The following ALDH1A2 variants were observed in gnomAD, a reference collection of about 807,000 sequenced individuals.
ALDH1A2 encodes aldehyde dehydrogenase 1 family member A2, also known as retinal dehydrogenase 2.
In ALDH1A2, 27 loss-of-function variants were observed where a neutral mutation model predicts 60.3. The observed-to-expected ratio is 0.45, with a 90% CI of 0.33 to 0.62. The LOEUF is 0.62. Ranked by LOEUF, ALDH1A2 falls within the 20% of genes least tolerant of loss-of-function variation. The pLI, the probability that ALDH1A2 is intolerant of heterozygous loss-of-function variation, is 0.02. For synonymous variants in ALDH1A2, 289 were observed against 232.4 expected (o/e 1.24, Z -2.21); for missense variants, 581 against 643.8 (o/e 0.90, Z 1.06).
At chr15:57,955,317 T>A (rs536382082) in intron 12 of ALDH1A2, 48 bp from the exon 13 acceptor site, 11 of 1,590,592 alleles carry the variant, frequency 6.9e-6, no homozygotes, top group Non-Finnish European at 9.5e-6. Flanking sequence ...TCCAGGGAGC[T>A]GCATGTGAGT....
At chr15:58,049,188 T>C (rs1896711311) in intron 1 of ALDH1A2, among the ~76,000 whole-genome samples, 1 of 152,082 alleles carries the variant, frequency 6.6e-6, no homozygotes, top group Admixed American at 6.6e-5. Context: ...ATGTTAGGAA[T>C]ATACCAAATC....
intron 1 of ALDH1A2, among the ~76,000 whole-genome samples, chr15:58,057,189 A>C (rs1431828418): frequency 6.6e-6 from 1 of 152,146 alleles, no homozygotes; most frequent in African/African-American, 2.4e-5. Context: ...GCAGAAACTA[A>C]AAATTAGGAT....
intron 1 of ALDH1A2, among the ~76,000 whole-genome samples, chr15:58,060,081 C>T (rs1010877833): frequency 6.6e-6 from 1 of 152,056 alleles, no homozygotes; most frequent in Non-Finnish European, 1.5e-5. Flanking sequence ...TACCACCACA[C>T]AGCTAATTTC....
At chr15:58,041,888 G>C (rs571438335) in intron 1 of ALDH1A2, among the ~76,000 whole-genome samples, 2 of 151,894 alleles carry the variant, frequency 1.3e-5, no homozygotes, top group East Asian at 1.9e-4. Context: ...AACAGTAAGA[G>C]ATTAACAACT....
In ALDH1A2 at chr15:57,992,969, G is replaced by C. The variant is rs566704871; in HGVS notation, c.660C>G (p.Leu220=). Residue 220 remains leucine (L), a synonymous_variant, in exon 6 of 13, where the codon CTC becomes CTG. Coordinates refer to ENST00000249750, the MANE Select transcript of ALDH1A2 (RefSeq NM_003888.4). ...CCTCCTTGATGAGGGCTCCCATGTAGAGTGCACTGAGTGGTGTTTGCTCTG... is the reference window on the plus strand; with the variant it reads ...CCTCCTTGATGAGGGCTCCCATGTACAGTGCACTGAGTGGTGTTTGCTCTG... ...KPAEQTPLSA[L]YMGALIKEAG... 8 of 1,614,056 alleles carry C rather than the reference G, an allele frequency of 5.0e-6. No homozygotes were observed. Among genetic ancestry groups the C allele is most frequent in the African/African-American group, 1.3e-5 (1 of 75,038 alleles).
At chr15:58,032,911 A>G (rs1021496641) in intron 1 of ALDH1A2, among the ~76,000 whole-genome samples, 2 of 152,038 alleles carry the variant, frequency 1.3e-5, no homozygotes, top group African/African-American at 2.4e-5. Context: ...TACAAGTAAA[A>G]TAAGCCAGGC....
rs558516220 is a variant in ALDH1A2, at chr15:57,956,030, C to T, written c.1485-761G>A. The stretch of plus-strand genomic sequence containing the variant: ...TTCGTCCTCTCTGTTCACAGAGCCC[C>T]TTGTTCACACCTCAACCACCACACT... On this transcript the variant is annotated intron_variant, in intron 12 of 12. Transcript: ENST00000249750. 3.3e-5 allele frequency among the ~76,000 whole-genome samples: 5 copies of T among 152,346 alleles called. No individual in the cohort carries two copies. In the South Asian group the frequency reaches 1.0e-3, roughly 32 times the overall value.
At chr15:58,014,307 ATC>A (rs1351183906) in intron 1 of ALDH1A2, 26 bp from the exon 2 acceptor site, 8 of 1,573,944 alleles carry the variant, frequency 5.1e-6, no homozygotes, top group Non-Finnish European at 7.0e-6. Context: ...ACAGAATGGG[ATC>A]TGTGACACAG....
rs188500811 is a variant in ALDH1A2, at chr15:57,969,343, A to G, written c.799-3516T>C. Among the ~76,000 whole-genome samples the G allele has an allele frequency of 3.9e-5, 6 of 152,230 alleles. No individual in the cohort carries two copies. In the South Asian group the frequency reaches 1.2e-3, roughly 32 times the overall value. Reference sequence around the variant, plus strand: ...GAAAAAAAAATCTGGGTCTCATTTAATATTAGATCTGAACAGATTAAATTA... The same window carrying G: ...GAAAAAAAAATCTGGGTCTCATTTAGTATTAGATCTGAACAGATTAAATTA... On this transcript the variant is annotated intron_variant, in intron 7 of 12. Coordinates refer to ENST00000249750, the MANE Select transcript of ALDH1A2 (RefSeq NM_003888.4).
chr15:58,041,016 G>T (rs1896507551), intron 1 of ALDH1A2, among the ~76,000 whole-genome samples: 1 of 151,906 alleles, frequency 6.6e-6, no homozygotes, highest in Admixed American at 6.6e-5. Flanking sequence ...ACTAGTATGT[G>T]AAACAGGGTG....
At chr15:58,042,147 G>T (rs10518961) in intron 1 of ALDH1A2, among the ~76,000 whole-genome samples, 1 of 151,694 alleles carries the variant, frequency 6.6e-6, no homozygotes, top group Non-Finnish European at 1.5e-5. Flanking sequence ...ATGAACTTTT[G>T]TGAGTCAGGA....
chr15:57,988,881 G>GTGAC (rs35178987), intron 7 of ALDH1A2, among the ~76,000 whole-genome samples: 74,319 of 151,652 alleles, frequency 0.49, 18,525 homozygotes, highest in Non-Finnish European at 0.53. Context: ...ACCTGATATT[G>GTGAC]TTATGTGCCG....
chr15:58,038,396 TA>T (rs1181605238), intron 1 of ALDH1A2: 1 of 151,682 alleles, frequency 6.6e-6, no homozygotes, highest in Non-Finnish European at 1.5e-5. Context: ...ATGTACAGCA[TA>T]AAAACACACC....
intron 1 of ALDH1A2, among the ~76,000 whole-genome samples, chr15:58,045,444 C>T (rs1294897628): frequency 2.6e-5 from 4 of 152,044 alleles, no homozygotes; most frequent in Admixed American, 6.6e-5. Flanking sequence ...CACACGCACA[C>T]GTATGTTTAT....
chr15:58,050,932 C>G (rs1275169083), intron 1 of ALDH1A2, among the ~76,000 whole-genome samples: 1 of 152,172 alleles, frequency 6.6e-6, no homozygotes, highest in Non-Finnish European at 1.5e-5. Context: ...CAATGCATAT[C>G]CTAAGGTTGA....
At chr15:58,052,210 A>G (rs1390813995) in intron 1 of ALDH1A2, among the ~76,000 whole-genome samples, 1 of 152,144 alleles carries the variant, frequency 6.6e-6, no homozygotes, top group African/African-American at 2.4e-5. Flanking sequence ...ATTTTCAACA[A>G]AACTGTTTGA....
chr15:57,976,440 C>T (rs550741693), intron 7 of ALDH1A2, among the ~76,000 whole-genome samples: 36 of 152,258 alleles, frequency 2.4e-4, no homozygotes, highest in Non-Finnish European at 3.8e-4. Context: ...CGACAGGCCC[C>T]GGTGTGTGAT....
At chr15:58,045,559 C>T (rs1409710998) in intron 1 of ALDH1A2, among the ~76,000 whole-genome samples, 1 of 152,072 alleles carries the variant, frequency 6.6e-6, no homozygotes, top group Non-Finnish European at 1.5e-5. Flanking sequence ...GAATACTATG[C>T]AGCCATAAAA....
chr15:57,998,108 A>C (rs1332896734), intron 4 of ALDH1A2, among the ~76,000 whole-genome samples: 9 of 152,056 alleles, frequency 5.9e-5, no homozygotes, highest in African/African-American at 2.2e-4. Flanking sequence ...AACAGGCAAA[A>C]GATGGAAGCA....
Sources: gnomAD v4.1 joint callset for allele counts (sites outside exome capture counted in the v4.1 genomes callset) on GRCh38, gnomAD v4.1.1 for gene constraint, MANE v1.5 for transcripts, NCBI Gene and HGNC (gene_info 2026-07-23, HGNC 2026-07-21) for gene names.